The following FUT8 variants were observed in gnomAD, a reference collection of about 807,000 sequenced individuals.
FUT8 encodes alpha-(1,6)-fucosyltransferase.
FUT8 carries 29 observed loss-of-function variants against 71.3 expected under a neutral mutation model. That is an observed-to-expected ratio of 0.41 (90% CI 0.30 to 0.55). FUT8 has a LOEUF of 0.55. Among genes scored for constraint, FUT8 ranks in the 20% least tolerant of loss-of-function variants. FUT8 has a pLI of 0.34. For synonymous variants in FUT8, 254 were observed against 239.3 expected (o/e 1.06, Z -0.57); for missense variants, 544 against 702.1 (o/e 0.77, Z 2.55).
At chr14:65,611,394 C>CTT (rs1177294972) in intron 3 of FUT8, among the ~76,000 whole-genome samples, 115 of 144,382 alleles carry the variant, frequency 8.0e-4, no homozygotes, top group African/African-American at 2.9e-3. Context: ...GATTTTCTTT[C>CTT]TTTTTTTTTT....
chr14:65,422,497 A>G (rs945933666), intron 1 of FUT8, among the ~76,000 whole-genome samples: 3 of 151,006 alleles, frequency 2.0e-5, no homozygotes, highest in Non-Finnish European at 4.4e-5. Context: ...TTCTTTCTCC[A>G]TATTTCTTTT....
intron 2 of FUT8, among the ~76,000 whole-genome samples, chr14:65,546,523 GTTT>G (rs1359854938): frequency 6.6e-6 from 1 of 151,616 alleles, no homozygotes; most frequent in East Asian, 1.9e-4. Context: ...CTGATGAACA[GTTT>G]TCCATTGTAT....
chr14:65,615,390 A>AG (rs1566854026), intron 3 of FUT8, among the ~76,000 whole-genome samples: 1 of 152,136 alleles, frequency 6.6e-6, no homozygotes, highest in Non-Finnish European at 1.5e-5. Flanking sequence ...TATAGGCATG[A>AG]GTGGCTACAC....
rs1443264581 is a variant in FUT8, at chr14:65,550,942, A to G, written c.-227-10395A>G. Among the ~76,000 whole-genome samples the G allele has an allele frequency of 2.6e-5, 4 of 152,168 alleles. No homozygotes were observed. Among genetic ancestry groups the G allele is most frequent in the African/African-American group, 4.8e-5 (2 of 41,424 alleles). ...AATGATGTAAAGAGTATGTGAATGC[A>G]TTTTGTTTACATATTAAAATGCATC... On this transcript the variant is annotated intron_variant, in intron 2 of 10. Transcript: ENST00000673929. The surrounding 1 kb of genome is among the most constrained non-coding windows in gnomAD (Gnocchi z 4.5).
intron 1 of FUT8, among the ~76,000 whole-genome samples, chr14:65,418,060 T>G (rs2065243327): frequency 6.6e-6 from 1 of 152,176 alleles, no homozygotes; most frequent in African/African-American, 2.4e-5. Context: ...TAATGTTTAT[T>G]TTAGAACCTG....
intron 2 of FUT8, chr14:65,488,664 GTA>G (rs1315046568): frequency 6.6e-6 from 1 of 152,096 alleles, no homozygotes; most frequent in Non-Finnish European, 1.5e-5. Context: ...AATCTTCTTA[GTA>G]TCTGCTAGTT....
At chr14:65,692,798 C>G (rs1893744649) in intron 7 of FUT8, among the ~76,000 whole-genome samples, 1 of 151,090 alleles carries the variant, frequency 6.6e-6, no homozygotes, top group African/African-American at 2.4e-5. Context: ...GAGGGGGCGG[C>G]CGGGCAGAGA....
intron 10 of FUT8, among the ~76,000 whole-genome samples, chr14:65,735,989 A>G (rs1223137146): frequency 6.6e-6 from 1 of 152,164 alleles, no homozygotes; most frequent in African/African-American, 2.4e-5. Context: ...CACTGATGGG[A>G]TAAAATGCCA....
At chr14:65,545,492 A>G (rs970554989) in intron 2 of FUT8, among the ~76,000 whole-genome samples, 2 of 151,922 alleles carry the variant, frequency 1.3e-5, no homozygotes, top group African/African-American at 4.8e-5. Flanking sequence ...AGTGTGAAAT[A>G]TGTCATGCTC....
intron 6 of FUT8, among the ~76,000 whole-genome samples, chr14:65,645,787 A>C (rs1891096583): frequency 6.6e-6 from 1 of 152,178 alleles, no homozygotes; most frequent in African/African-American, 2.4e-5. Flanking sequence ...TTCTGTTATT[A>C]CCTTGTACTT....
chr14:65,646,275 TAG>T (rs1448187876), intron 6 of FUT8, among the ~76,000 whole-genome samples: 1 of 152,114 alleles, frequency 6.6e-6, no homozygotes, highest in African/African-American at 2.4e-5. Context: ...GCTCCCAAGA[TAG>T]GAGATTACTT....
At chr14:65,713,924 T>C (rs1894927175) in intron 7 of FUT8, among the ~76,000 whole-genome samples, 1 of 152,236 alleles carries the variant, frequency 6.6e-6, no homozygotes, top group Non-Finnish European at 1.5e-5. Flanking sequence ...TTATGTGGTA[T>C]TACTCAAGAA....
At chr14:65,401,909 A>G in the FUT8 span, among the ~76,000 whole-genome samples, 3 of 151,746 alleles carry the variant, frequency 2.0e-5, no homozygotes, top group Non-Finnish European at 2.9e-5. Flanking sequence ...AAAAAAAAAA[A>G]AAAAAAAAGG....
chr14:65,647,054 A>G (rs1029053466), intron 6 of FUT8, among the ~76,000 whole-genome samples: 3 of 152,230 alleles, frequency 2.0e-5, no homozygotes, highest in African/African-American at 7.2e-5. Context: ...TGATTTGCAT[A>G]GCTTGTATCA....
rs146461458 is a variant in FUT8 at position 65,511,067 on chromosome 14, A to T, written c.-227-50270A>T. Among the ~76,000 whole-genome samples the T allele has an allele frequency of 7.1e-3, 1,073 of 152,032 alleles. 12 individuals carry two copies. The highest frequency in any genetic ancestry group is 0.023 in the African/African-American group (972 of 41,508). On this transcript the variant is annotated intron_variant, in intron 2 of 10. Transcript: ENST00000673929. ...TAGCTATAAAATTCCCTCTTAGTACAGCTTTTGCTGTATTCCATAGGTTTT... is the reference window on the plus strand; with the variant it reads ...TAGCTATAAAATTCCCTCTTAGTACTGCTTTTGCTGTATTCCATAGGTTTT...
At chr14:65,622,910 G>GT (rs33918554) in intron 5 of FUT8, among the ~76,000 whole-genome samples, 9,887 of 128,762 alleles carry the variant, frequency 0.077, 957 homozygotes, top group African/African-American at 0.2. Flanking sequence ...GAGCTTCTCT[G>GT]TTTTTTTTTT....
intron 7 of FUT8, among the ~76,000 whole-genome samples, chr14:65,686,821 T>G (rs1465433314): frequency 6.6e-6 from 1 of 152,208 alleles, no homozygotes; most frequent in Non-Finnish European, 1.5e-5. Context: ...ATGTCAATAT[T>G]AACCAGAAAA....
chr14:65,405,738 C>G (rs2065086989), upstream of FUT8, among the ~76,000 whole-genome samples: 1 of 152,186 alleles, frequency 6.6e-6, no homozygotes, highest in South Asian at 2.1e-4. Context: ...AAGGATACTT[C>G]TGTCTTCTCT....
the FUT8 span, among the ~76,000 whole-genome samples, chr14:65,360,991 G>A: frequency 6.6e-6 from 1 of 152,284 alleles, no homozygotes; most frequent in South Asian, 2.1e-4. Flanking sequence ...CAGGTATGAT[G>A]AAAGAACTTT....
Sources: allele counts gnomAD v4.1 joint callset (sites outside exome capture counted in the v4.1 genomes callset), GRCh38; gene constraint gnomAD v4.1.1; non-coding constraint Gnocchi (gnomAD v3.1); transcripts MANE v1.5; gene names NCBI Gene and HGNC (gene_info 2026-07-23, HGNC 2026-07-21).